The following ADGRL3 variants were observed in gnomAD, a reference collection of about 807,000 sequenced individuals.
The protein encoded by ADGRL3 is calcium-independent alpha-latrotoxin receptor 3.
Under a neutral mutation model 153.5 loss-of-function variants are expected in ADGRL3, and 62 were observed. That is an observed-to-expected ratio of 0.40 (90% CI 0.33 to 0.50). The LOEUF (loss-of-function observed/expected upper bound fraction) is 0.50. Among genes scored for constraint, ADGRL3 ranks in the 20% least tolerant of loss-of-function variants. The pLI is 0.47. For missense variants in ADGRL3, 1,641 were observed against 1,859.4 expected (o/e 0.88, Z 2.16); for synonymous variants, 710 against 672.5 (o/e 1.06, Z -0.86).
intron 1 of ADGRL3, among the ~76,000 whole-genome samples, chr4:61,291,603 TACACACAC>T (rs1177747477): frequency 0.082 from 858 of 10,450 alleles, 17 homozygotes; most frequent in South Asian, 0.15. Context: ...TATATATATA[TACACACAC>T]ATATATATAT....
intron 1 of ADGRL3, among the ~76,000 whole-genome samples, chr4:61,229,578 G>A (rs2149155258): frequency 6.7e-6 from 1 of 150,350 alleles, no homozygotes; most frequent in South Asian, 2.1e-4. Context: ...CTTTAATTTT[G>A]TAAATATGTG....
At chr4:61,288,308 A>G (rs2150107333) in intron 1 of ADGRL3, among the ~76,000 whole-genome samples, 1 of 152,084 alleles carries the variant, frequency 6.6e-6, no homozygotes, top group African/African-American at 2.4e-5. Flanking sequence ...ATTAACTAAA[A>G]GGATGCTTGT....
Position 61,733,328 on chromosome 4 carries a change from C to G in ADGRL3, c.1173C>G (p.Val391=). The stretch of plus-strand genomic sequence containing the variant: ...TGATTTGTGGAATTCTGTATGTGGT[C>G]AAATCTGTATATGAGGATGATGACA... The part of the protein sequence containing the change: ...AFMICGILYV[V]KSVYEDDDNE... The change falls in exon 8 of 27, where the codon GTC becomes GTG. Residue 391 remains valine (V), a synonymous_variant. Transcript: ENST00000683033. 1 of 1,613,454 alleles carries G rather than the reference C, an allele frequency of 6.2e-7. No homozygotes were observed. Among genetic ancestry groups the G allele is most frequent in the South Asian group, 1.1e-5 (1 of 91,048 alleles).
At chr4:61,844,034 A>T (rs559849231) in intron 9 of ADGRL3, among the ~76,000 whole-genome samples, 1 of 151,702 alleles carries the variant, frequency 6.6e-6, no homozygotes, top group Non-Finnish European at 1.5e-5. Context: ...AAAAAAAAAA[A>T]AATCAACAGT....
chr4:61,659,487 A>C (rs956275567), intron 5 of ADGRL3, among the ~76,000 whole-genome samples: 1 of 152,180 alleles, frequency 6.6e-6, no homozygotes, highest in Non-Finnish European at 1.5e-5. Context: ...CTTTTAATAC[A>C]TGTTGATTAA....
intron 13 of ADGRL3, among the ~76,000 whole-genome samples, chr4:61,929,650 C>T (rs973913637): frequency 2.0e-5 from 3 of 152,158 alleles, no homozygotes; most frequent in Non-Finnish European, 2.9e-5. Context: ...GACAGCATCT[C>T]CTCCTTCATA....
chr4:61,698,853 A>G (rs1454957240), intron 6 of ADGRL3, among the ~76,000 whole-genome samples: 3 of 152,176 alleles, frequency 2.0e-5, no homozygotes, highest in Non-Finnish European at 2.9e-5. Flanking sequence ...TCTTAACGCT[A>G]TGGGTGGTAT....
At chr4:61,507,099 A>G (rs769326644) in intron 3 of ADGRL3, among the ~76,000 whole-genome samples, 2 of 152,178 alleles carry the variant, frequency 1.3e-5, no homozygotes, top group Non-Finnish European at 2.9e-5. Flanking sequence ...CAAATTGACA[A>G]TGGTGGTGAC....
At chr4:61,829,178 G>A (rs2097844304) in intron 9 of ADGRL3, among the ~76,000 whole-genome samples, 2 of 152,184 alleles carry the variant, frequency 1.3e-5, no homozygotes, top group South Asian at 2.1e-4. Context: ...GTCAAGCAGT[G>A]TGCGAACACC....
At chr4:61,788,749 C>G (rs1207819247) in intron 8 of ADGRL3, among the ~76,000 whole-genome samples, 1 of 152,130 alleles carries the variant, frequency 6.6e-6, no homozygotes, top group Admixed American at 6.6e-5. Flanking sequence ...AAATACAAGA[C>G]CATGTTAATG....
At chr4:61,372,023 G>A (rs191258713) in intron 1 of ADGRL3, among the ~76,000 whole-genome samples, 185 of 151,966 alleles carry the variant, frequency 1.2e-3, no homozygotes, top group African/African-American at 4.2e-3. Flanking sequence ...TGATGGTATC[G>A]GCTCCTGAGG....
chr4:61,962,308 A>G (rs1433311294), intron 17 of ADGRL3, among the ~76,000 whole-genome samples: 1 of 152,200 alleles, frequency 6.6e-6, no homozygotes, highest in East Asian at 1.9e-4. Context: ...TCAAGCAATT[A>G]TATTTTAAGA....
chr4:61,246,758 C>T (rs750201982), intron 1 of ADGRL3, among the ~76,000 whole-genome samples: 4 of 151,490 alleles, frequency 2.6e-5, no homozygotes, highest in Non-Finnish European at 5.9e-5. Context: ...TATTATAAAA[C>T]TTAGCATATA....
At chr4:61,951,591 C>T (rs1353721159) in intron 17 of ADGRL3, among the ~76,000 whole-genome samples, 5 of 152,132 alleles carry the variant, frequency 3.3e-5, no homozygotes, top group Admixed American at 6.5e-5. Context: ...ACTGGCTGGG[C>T]GTAGTGGCTC....
At chr4:61,485,249 T>C (rs2098177039) in intron 2 of ADGRL3, among the ~76,000 whole-genome samples, 1 of 152,180 alleles carries the variant, frequency 6.6e-6, no homozygotes, top group African/African-American at 2.4e-5. Flanking sequence ...CTACTGAGAA[T>C]GAAATATGGG....
chr4:61,251,875 T>TA (rs1446176214), intron 1 of ADGRL3, among the ~76,000 whole-genome samples: 5 of 146,704 alleles, frequency 3.4e-5, no homozygotes, highest in Non-Finnish European at 7.5e-5. Context: ...TTCTTTTTTT[T>TA]TTTAATTTTT....
chr4:61,268,647 A>G (rs995070327), intron 1 of ADGRL3, among the ~76,000 whole-genome samples: 1 of 151,622 alleles, frequency 6.6e-6, no homozygotes, highest in African/African-American at 2.4e-5. Flanking sequence ...AAGAAATGGC[A>G]TTCTTTTTCA....
intron 5 of ADGRL3, among the ~76,000 whole-genome samples, chr4:61,660,288 A>G (rs994995735): frequency 6.6e-6 from 1 of 152,176 alleles, no homozygotes; most frequent in African/African-American, 2.4e-5. Context: ...AAGCTCTGTC[A>G]CAGTCCCTAT....
chr4:61,458,439 A>C (rs1490905127), intron 2 of ADGRL3, among the ~76,000 whole-genome samples: 1 of 151,194 alleles, frequency 6.6e-6, no homozygotes, highest in Non-Finnish European at 1.5e-5. Flanking sequence ...ACCAGAAGTA[A>C]CATCTCTAGT....
Sources: gnomAD v4.1 joint callset for allele counts (sites outside exome capture counted in the v4.1 genomes callset) on GRCh38, gnomAD v4.1.1 for gene constraint, MANE v1.5 for transcripts, NCBI Gene and HGNC (gene_info 2026-07-23, HGNC 2026-07-21) for gene names.